GINS1: variants seen among roughly 807,000 people sequenced by gnomAD.
GINS1 encodes the protein DNA replication complex GINS protein PSF1.
Under a neutral mutation model 34.9 loss-of-function variants are expected in GINS1, and 26 were observed. The ratio of observed to expected loss-of-function variants is 0.74; its 90% CI spans 0.55 to 1.03. GINS1 has a LOEUF of 1.03. Ranked by LOEUF, GINS1 falls within the 50% of genes least tolerant of loss-of-function variation. The probability of loss-of-function intolerance (pLI) is 0.00; values close to 1 mark genes in which losing one functional copy is unlikely to be tolerated. For synonymous variants in GINS1, 97 were observed against 84.4 expected (o/e 1.15, Z -0.82); for missense variants, 235 against 237.9 (o/e 0.99, Z 0.08).
chr20:25,421,735 C>T (rs2500402), intron 4 of GINS1, among the ~76,000 whole-genome samples: 4,114 of 152,108 alleles, frequency 0.027, 179 homozygotes, highest in African/African-American at 0.09. Flanking sequence ...GTGGAAGTAA[C>T]GTGCTTATTC....
Position 25,407,757 on chromosome 20 carries a change from C to T in GINS1, c.-64C>T. 25 of 1,252,926 alleles carry T rather than the reference C, an allele frequency of 2.0e-5. No homozygotes were observed. The South Asian group carries it at 2.4e-4, about 12-fold the overall frequency. The allele number at this position is 1,252,926 out of a possible 1,614,324, so 77.6% of individuals were successfully genotyped here. ...ACGAAAGGAGTGAGGCGCCGAGAGC[C>T]CAGATACCATTTTGGCGTGAGAGCT... is the stretch of plus-strand genomic sequence containing the variant. On this transcript the variant is annotated 5_prime_UTR_variant, in exon 1 of 7. Coordinates refer to ENST00000262460, the MANE Select transcript of GINS1 (RefSeq NM_021067.5).
At position 25,426,137 on chromosome 20, in the gene GINS1, C is replaced by A. The variant is rs1206634062; in HGVS notation, c.447+810C>A. 1.1e-4 allele frequency among the ~76,000 whole-genome samples: 17 copies of A among 152,096 alleles called. 1 individual carries two copies. The highest frequency in any genetic ancestry group is 1.5e-5 in the Non-Finnish European group (1 of 68,008). ...CATATAGTATTTGTCTTTTTGTTTT[C>A]TTTTGTTCTCGTTAGAGAATAATTT... is the stretch of plus-strand genomic sequence containing the variant. On this transcript the variant is annotated intron_variant, in intron 5 of 6. Transcript: ENST00000262460.
At chr20:25,409,762 C>A (rs1452110347) in intron 1 of GINS1, among the ~76,000 whole-genome samples, 1 of 152,130 alleles carries the variant, frequency 6.6e-6, no homozygotes, top group Non-Finnish European at 1.5e-5. Flanking sequence ...TTTTCAACTT[C>A]AGAGCAGTTA....
In GINS1 at chr20:25,433,268, T is replaced by G. The variant is rs73333541; in HGVS notation, c.447+7941T>G. Among the ~76,000 whole-genome samples the G allele has an allele frequency of 6.5e-3, 997 of 152,302 alleles. 16 individuals carry two copies. Among genetic ancestry groups the G allele is most frequent in the African/African-American group, 0.023 (955 of 41,558 alleles). On this transcript the variant is annotated intron_variant, in intron 5 of 6. Coordinates refer to ENST00000262460, the MANE Select transcript of GINS1 (RefSeq NM_021067.5). Reference sequence around the variant, plus strand: ...GCAATGGACTGGGGAATAATAACTTTTTTGTCTCTCATTTCCTTCATTATT... The same window carrying G: ...GCAATGGACTGGGGAATAATAACTTGTTTGTCTCTCATTTCCTTCATTATT...
Position 25,441,706 on chromosome 20 carries a change from G to C in GINS1, c.452G>C (p.Arg151Pro), listed in dbSNP as rs1206283679. 1.3e-6 allele frequency: 2 copies of C among 1,512,416 alleles called. No individual in the cohort carries two copies. The highest frequency in any genetic ancestry group is 4.0e-5 in the Admixed American group (2 of 50,152). The allele number at this position is 1,512,416 out of a possible 1,614,324, so 93.7% of individuals were successfully genotyped here. The change falls in exon 6 of 7, where the codon CGG (arginine) becomes CCG (proline). Residue 151 changes from arginine (R) to proline (P), a missense_variant. By Grantham distance (103) the Arg-to-Pro change is moderately radical. Transcript: ENST00000262460. ...KPPKSLYIEV[R>P]CLKDYGEFEV... is the part of the protein sequence containing the mutation. Reference sequence around the variant, plus strand: ...ATCTCTCATTTTTTCTTTCAGGTCCGGTGTCTAAAAGACTATGGAGAATTT... The same window carrying C: ...ATCTCTCATTTTTTCTTTCAGGTCCCGTGTCTAAAAGACTATGGAGAATTT...
chr20:25,417,023 A>C, intron 2 of GINS1, 81 bp from the exon 3 acceptor site: 1 of 653,480 alleles, frequency 1.5e-6, no homozygotes, highest in East Asian at 2.8e-5. Flanking sequence ...ACAAGCATGT[A>C]ACTCAGTTGT....
chr20:25,424,966 A>G (rs2090382214), intron 4 of GINS1, among the ~76,000 whole-genome samples: 1 of 152,210 alleles, frequency 6.6e-6, no homozygotes, highest in African/African-American at 2.4e-5. Flanking sequence ...CCTAAGGTTT[A>G]TTATTAAGTA....
Position 25,446,009 on chromosome 20 carries a change from TC to T in GINS1, c.*20del. The T allele has an allele frequency of 2.6e-6, 4 of 1,525,164 alleles. No individual in the cohort carries two copies. The highest frequency in any genetic ancestry group is 2.2e-5 in the East Asian group (1 of 44,486). 94.5% of individuals were successfully genotyped at this position (1,525,164 alleles called of 1,614,324 possible). On this transcript the variant is annotated 3_prime_UTR_variant, in exon 7 of 7. Coordinates refer to ENST00000262460, the MANE Select transcript of GINS1 (RefSeq NM_021067.5). ...TGTCATGACCATGCGCCGAGGCACT[TC>T]CAGGCTTCACTCAACTCATGGACTC... is the stretch of plus-strand genomic sequence containing the variant.
chr20:25,411,936 T>A (rs1470774447), intron 1 of GINS1, among the ~76,000 whole-genome samples: 9 of 138,554 alleles, frequency 6.5e-5, no homozygotes, highest in Admixed American at 6.5e-4. Context: ...AGAACAAAAC[T>A]CCGTCTCAAA....
At chr20:25,417,490 C>T (rs902811601) in intron 3 of GINS1, among the ~76,000 whole-genome samples, 2 of 152,096 alleles carry the variant, frequency 1.3e-5, no homozygotes, top group African/African-American at 4.8e-5. Flanking sequence ...TGGTGCCACA[C>T]TATTTAAGTG....
intron 5 of GINS1, among the ~76,000 whole-genome samples, chr20:25,439,010 G>T (rs1428311828): frequency 1.3e-5 from 2 of 152,166 alleles, no homozygotes; most frequent in African/African-American, 4.8e-5. Context: ...CTATCTTAAG[G>T]TAGCCCAATA....
intron 1 of GINS1, chr20:25,409,007 G>A (rs1384473561): frequency 5.1e-6 from 5 of 985,050 alleles, no homozygotes; most frequent in African/African-American, 3.5e-5. Flanking sequence ...ACCAGTATGA[G>A]CTGGGGTAGA....
intron 4 of GINS1, among the ~76,000 whole-genome samples, chr20:25,421,994 AC>A (rs1329930378): frequency 6.6e-6 from 1 of 151,364 alleles, no homozygotes; most frequent in Non-Finnish European, 1.5e-5. Flanking sequence ...ATTATAAAAA[AC>A]AATGCAGTTT....
chr20:25,416,409 T>C (rs1461742916), intron 2 of GINS1, among the ~76,000 whole-genome samples: 1 of 152,164 alleles, frequency 6.6e-6, no homozygotes, highest in Non-Finnish European at 1.5e-5. Flanking sequence ...GGGACATGTA[T>C]TTTGCCTGTA....
intron 5 of GINS1, among the ~76,000 whole-genome samples, chr20:25,439,385 T>G (rs896331497): frequency 5.3e-5 from 8 of 152,180 alleles, no homozygotes; most frequent in African/African-American, 1.7e-4. Context: ...TGTGAAAAGT[T>G]GTACTGACCC....
At chr20:25,431,572 TTTC>T (rs1432346398) in intron 5 of GINS1, among the ~76,000 whole-genome samples, 2 of 149,890 alleles carry the variant, frequency 1.3e-5, no homozygotes, top group Non-Finnish European at 3.0e-5. Context: ...TTTTTTCTTT[TTTC>T]TTTTTTTTTT....
At chr20:25,434,362 C>T (rs941311077) in intron 5 of GINS1, among the ~76,000 whole-genome samples, 2 of 151,848 alleles carry the variant, frequency 1.3e-5, no homozygotes, top group African/African-American at 2.4e-5. Context: ...TTAGAATTTT[C>T]CATGTATTCA....
intron 6 of GINS1, among the ~76,000 whole-genome samples, chr20:25,444,029 C>T (rs2090497741): frequency 1.4e-5 from 1 of 69,886 alleles, no homozygotes; most frequent in African/African-American, 6.2e-5. Context: ...TGGTTTTTTT[C>T]GAGATGGACT....
chr20:25,409,227 A>G (rs1436537243), intron 1 of GINS1, among the ~76,000 whole-genome samples: 1 of 152,234 alleles, frequency 6.6e-6, no homozygotes, highest in Non-Finnish European at 1.5e-5. Context: ...GAGCTGGTAG[A>G]GGATTTTAGA....
Sources: gnomAD v4.1 joint callset for allele counts (sites outside exome capture counted in the v4.1 genomes callset) on GRCh38, gnomAD v4.1.1 for gene constraint, MANE v1.5 for transcripts, NCBI Gene and HGNC (gene_info 2026-07-23, HGNC 2026-07-21) for gene names.